CFAP210: variants seen among roughly 807,000 people sequenced by gnomAD.
The protein encoded by CFAP210 is cilia- and flagella- associated protein 210.
At chr2:169,648,657 T>C in the CFAP210 span, among the ~76,000 whole-genome samples, 1 of 152,164 alleles carries the variant, frequency 6.6e-6, no homozygotes, top group African/African-American at 2.4e-5. Flanking sequence ...TATACTAGAA[T>C]AGTTAAAATT....
chr2:169,656,328 GAGGAGA>G, the CFAP210 span, among the ~76,000 whole-genome samples: 1 of 151,028 alleles, frequency 6.6e-6, no homozygotes, highest in African/African-American at 2.4e-5. Context: ...GAAGAAGAAG[GAGGAGA>G]AGGAGAAGAG....
At chr2:169,661,002 G>T in the CFAP210 span, 1 of 483,270 alleles carries the variant, frequency 2.1e-6, no homozygotes, top group Admixed American at 2.4e-5. Context: ...CATCAAACCA[G>T]AGTGTGAAAT....
chr2:169,674,711 T>C, the CFAP210 span: 1 of 1,607,620 alleles, frequency 6.2e-7, no homozygotes, highest in Non-Finnish European at 8.5e-7. Context: ...TATCTTACTC[T>C]TTCGGAATTC....
the CFAP210 span, chr2:169,658,126 T>C: frequency 4.6e-5 from 7 of 152,172 alleles, no homozygotes; most frequent in African/African-American, 1.2e-4. Flanking sequence ...GATTTAGCCC[T>C]AGAAAGTAAT....
the CFAP210 span, chr2:169,681,232 T>A: frequency 6.3e-7 from 1 of 1,589,754 alleles, no homozygotes; most frequent in South Asian, 1.1e-5. Flanking sequence ...AGTTTCTTAT[T>A]TCTAATAAAT....
chr2:169,645,716 ACAAT>A, the CFAP210 span: 4 of 676,878 alleles, frequency 5.9e-6, no homozygotes, highest in Non-Finnish European at 7.3e-6. Context: ...AATACTGAGA[ACAAT>A]CAATTAAATC....
At chr2:169,683,676 G>A in the CFAP210 span, among the ~76,000 whole-genome samples, 1 of 152,230 alleles carries the variant, frequency 6.6e-6, no homozygotes, top group African/African-American at 2.4e-5. Flanking sequence ...CTTGGCAGCG[G>A]TGGCAGGAGA....
the CFAP210 span, among the ~76,000 whole-genome samples, chr2:169,689,226 T>G: frequency 5.3e-5 from 8 of 152,344 alleles, no homozygotes; most frequent in Admixed American, 5.2e-4. Context: ...AAGTTGAGAT[T>G]TGGGTCAGGA....
chr2:169,649,038 C>T, the CFAP210 span: 1 of 626,128 alleles, frequency 1.6e-6, no homozygotes, highest in Admixed American at 3.5e-5. Flanking sequence ...ACAAACCTCA[C>T]ATTTTTAATA....
At chr2:169,649,078 A>AT in the CFAP210 span, 12 of 990,504 alleles carry the variant, frequency 1.2e-5, no homozygotes, top group East Asian at 2.7e-4. Flanking sequence ...CATAATGACC[A>AT]TTTTTTTCTT....
chr2:169,666,493 A>G, the CFAP210 span, among the ~76,000 whole-genome samples: 1 of 150,762 alleles, frequency 6.6e-6, no homozygotes, highest in Non-Finnish European at 1.5e-5. Context: ...AATATCTCTG[A>G]GGTATGCCTG....
At chr2:169,666,121 T>C in the CFAP210 span, among the ~76,000 whole-genome samples, 2 of 152,150 alleles carry the variant, frequency 1.3e-5, no homozygotes, top group Admixed American at 6.5e-5. Flanking sequence ...ACCAAATTCA[T>C]CATCCTCCTC....
the CFAP210 span, among the ~76,000 whole-genome samples, chr2:169,663,271 CTCTT>C: frequency 7.8e-6 from 1 of 129,012 alleles, no homozygotes; most frequent in African/African-American, 2.9e-5. Flanking sequence ...TGCCCTCTCT[CTCTT>C]TTTTTTTTTT....
chr2:169,682,252 A>C, the CFAP210 span, among the ~76,000 whole-genome samples: 4 of 152,216 alleles, frequency 2.6e-5, no homozygotes, highest in Non-Finnish European at 4.4e-5. Flanking sequence ...AAGGGGCATT[A>C]AGTAATGGAC....
the CFAP210 span, chr2:169,658,329 T>C: frequency 2.0e-5 from 3 of 152,494 alleles, no homozygotes; most frequent in Non-Finnish European, 4.4e-5. Context: ...AAAGTGATAG[T>C]AGAAAATAAA....
the CFAP210 span, chr2:169,654,242 T>C: frequency 2.0e-6 from 3 of 1,525,726 alleles, no homozygotes; most frequent in African/African-American, 4.2e-5. Flanking sequence ...ATATATTAAC[T>C]TATCACAAAG....
At chr2:169,667,454 G>A in the CFAP210 span, among the ~76,000 whole-genome samples, 1 of 152,016 alleles carries the variant, frequency 6.6e-6, no homozygotes, top group Non-Finnish European at 1.5e-5. Context: ...GTTCTTAATG[G>A]CAACTGGAAT....
chr2:169,692,203 AT>A, the CFAP210 span, among the ~76,000 whole-genome samples: 7 of 151,892 alleles, frequency 4.6e-5, no homozygotes, highest in Non-Finnish European at 7.4e-5. Flanking sequence ...TCCTTTTAAG[AT>A]TTTCGGTCAG....
the CFAP210 span, among the ~76,000 whole-genome samples, chr2:169,660,584 T>G: frequency 7.3e-6 from 1 of 136,884 alleles, no homozygotes; most frequent in East Asian, 2.0e-4. Flanking sequence ...TTAGGTTGCT[T>G]ATTTTATATA....
Sources: gnomAD v4.1 joint callset for allele counts (sites outside exome capture counted in the v4.1 genomes callset) on GRCh38, gnomAD v4.1.1 for gene constraint, MANE v1.5 for transcripts, NCBI Gene and HGNC (gene_info 2026-07-23, HGNC 2026-07-21) for gene names.